DNMT1: variants seen among roughly 807,000 people sequenced by gnomAD.
The protein encoded by DNMT1 is DNA (cytosine-5)-methyltransferase 1.
Under a neutral mutation model 205.3 loss-of-function variants are expected in DNMT1, and 24 were observed. The ratio of observed to expected loss-of-function variants is 0.12; its 90% CI spans 0.08 to 0.16. The LOEUF (loss-of-function observed/expected upper bound fraction) is 0.16, where lower values mean the gene tolerates loss of function less well. DNMT1 is among the 10% of genes least tolerant of loss of function. DNMT1 has a pLI of 1.00. For synonymous variants in DNMT1, 817 were observed against 839.8 expected (o/e 0.97, Z 0.47); for missense variants, 1,293 against 2,177.7 (o/e 0.59, Z 8.09).
intron 1 of DNMT1, among the ~76,000 whole-genome samples, chr19:10,189,329 G>C (rs1169540602): frequency 6.6e-6 from 1 of 151,928 alleles, no homozygotes; most frequent in African/African-American, 2.4e-5. Flanking sequence ...CACCGTGTTA[G>C]CCAGGATGGT....
chr19:10,163,365 C>A lies in DNMT1; in HGVS notation c.892-5G>T. 1 of 1,613,646 alleles carries A rather than the reference C, an allele frequency of 6.2e-7. No individual in the cohort carries two copies. Among genetic ancestry groups the A allele is most frequent in the Non-Finnish European group, 8.5e-7 (1 of 1,179,846 alleles). On this transcript the variant is annotated splice_region_variant and splice_polypyrimidine_tract_variant and intron_variant, in intron 11 of 40. Coordinates refer to ENST00000359526, the MANE Select transcript of DNMT1 (RefSeq NM_001130823.3). Reference sequence around the variant, plus strand: ...ACTTCTGTGCTTCTTCTCATCCTGACAGAAAAATAAGGGGGAGGTAGAGAG... The same window carrying A: ...ACTTCTGTGCTTCTTCTCATCCTGAAAGAAAAATAAGGGGGAGGTAGAGAG...
Position 10,180,334 on chromosome 19 carries a change from A to C in DNMT1, c.445+16T>G. 1.2e-6 allele frequency: 2 copies of C among 1,607,726 alleles called. No individual in the cohort carries two copies. The highest frequency in any genetic ancestry group is 1.1e-5 in the South Asian group (1 of 91,068). On this transcript the variant is annotated intron_variant, in intron 4 of 40. Transcript: ENST00000359526. The stretch of plus-strand genomic sequence containing the variant: ...CTCAAAAACAATTAAAAATAAAAGG[A>C]ATCATCTGCTCTTACGCTTAGCCTC...
In DNMT1 at chr19:10,148,987, C is replaced by T; in HGVS notation, c.2617G>A (p.Gly873Arg). 6.2e-7 allele frequency: 1 copy of T among 1,614,106 alleles called. No individual in the cohort carries two copies. Among genetic ancestry groups the T allele is most frequent in the Non-Finnish European group, 8.5e-7 (1 of 1,180,022 alleles). The change falls in exon 27 of 41, where the codon GGG becomes AGG. Residue 873 changes from glycine to arginine, a missense_variant. By Grantham distance (125) the Gly-to-Arg change is moderately radical (BLOSUM62 -2). Coordinates refer to ENST00000359526, the MANE Select transcript of DNMT1 (RefSeq NM_001130823.3). ...TAGAAGTAGGTCTTCCCGTCGTCCCCCTCCAGCAGGGACTCGGGATCCATG... is the reference window on the plus strand; with the variant it reads ...TAGAAGTAGGTCTTCCCGTCGTCCCTCTCCAGCAGGGACTCGGGATCCATG... ...GGMDPESLLE[G>R]DDGKTYFYQL...
At chr19:10,164,156 G>GGAGA (rs368866318) in intron 11 of DNMT1, among the ~76,000 whole-genome samples, 2 of 151,628 alleles carry the variant, frequency 1.3e-5, no homozygotes, top group African/African-American at 4.8e-5. Context: ...ACATATATAT[G>GGAGA]GAGAGAGAGA....
intron 24 of DNMT1, among the ~76,000 whole-genome samples, chr19:10,150,581 C>G (rs1425370943): frequency 6.6e-6 from 1 of 152,232 alleles, no homozygotes; most frequent in South Asian, 2.1e-4. Context: ...AGGCAGCCAG[C>G]AGGTGGCAAG....
At chr19:10,141,746 T>C (rs550317785) in intron 30 of DNMT1, 5 of 458,864 alleles carry the variant, frequency 1.1e-5, no homozygotes, top group Non-Finnish European at 2.0e-5. Context: ...CAACGTTCAG[T>C]TGCACCAAGA....
chr19:10,166,718 T>A (rs1255082497), intron 10 of DNMT1, 33 bp from the exon 11 acceptor site: 4 of 1,613,322 alleles, frequency 2.5e-6, no homozygotes, highest in Non-Finnish European at 3.4e-6. Context: ...CACAGGCTGG[T>A]CAGCTCGGGG....
At position 10,154,606 on chromosome 19, in the gene DNMT1, A is replaced by G. The variant is rs770886671; in HGVS notation, c.1812T>C (p.Ala604=). ...CTTACCTCTGTCCCAGCGTGACCCC[A>G]GCCAGCTTGATCAGGTCCCGCATGC... ...TPCMRDLIKL[A]GVTLGQRRAQ... The change falls in exon 21 of 41, where the codon GCT becomes GCC. Residue 604 remains alanine (A), a synonymous_variant. Transcript: ENST00000359526. The surrounding 1 kb of genome is among the most constrained non-coding windows in gnomAD (Gnocchi z 6.3). 39 of 1,613,958 alleles carry G rather than the reference A, an allele frequency of 2.4e-5. No individual in the cohort carries two copies. The highest frequency in any genetic ancestry group is 3.3e-5 in the Non-Finnish European group (39 of 1,179,938).
At chr19:10,136,094 G>A (rs937974914) in intron 38 of DNMT1, 27 bp downstream of exon 38, 2 of 1,613,674 alleles carry the variant, frequency 1.2e-6, no homozygotes, top group South Asian at 1.1e-5. Context: ...CCTGACCCAG[G>A]CCCTCGGATG....
rs72620548 is a variant in DNMT1, at chr19:10,136,593, G to A, written c.4490-306C>T. Among the ~76,000 whole-genome samples, 19,717 of 151,750 alleles carry A rather than the reference G, an allele frequency of 0.13. 1,846 individuals are homozygous for A. The highest frequency in any genetic ancestry group is 0.39 in the East Asian group (2,023 of 5,142). On this transcript the variant is annotated intron_variant, in intron 37 of 40. Coordinates refer to ENST00000359526, the MANE Select transcript of DNMT1 (RefSeq NM_001130823.3). The stretch of plus-strand genomic sequence containing the variant: ...TGGGATTATAGGCGTGCGACACCAC[G>A]CCCGGCTAATTTTTGTAGTTTTAAT...
chr19:10,178,194 T>C (rs1293852776), intron 5 of DNMT1, among the ~76,000 whole-genome samples: 7 of 148,404 alleles, frequency 4.7e-5, no homozygotes, highest in Non-Finnish European at 8.9e-5. Context: ...GAGGTGGAGG[T>C]TGTGGTGAGC....
chr19:10,155,807 G>T, intron 19 of DNMT1, 46 bp downstream of exon 19: 1 of 1,579,626 alleles, frequency 6.3e-7, no homozygotes, highest in Non-Finnish European at 8.6e-7. Flanking sequence ...AGAACATGAA[G>T]GCCCCTTTCA....
At chr19:10,182,453 GTA>G (rs541115556) in intron 1 of DNMT1, among the ~76,000 whole-genome samples, 22 of 119,850 alleles carry the variant, frequency 1.8e-4, no homozygotes, top group African/African-American at 4.4e-4. Context: ...ATATATATGT[GTA>G]TATATATGTG....
rs1028532442 is a variant in DNMT1, at chr19:10,138,857, G to A, written c.3949-252C>T. ...GGGAGCAAACCCTGCGGGGAAGTCC[G>A]GCCAGCTCTGAAAGCACTGCAAGGG... On this transcript the variant is annotated intron_variant, in intron 34 of 40. Coordinates refer to ENST00000359526, the MANE Select transcript of DNMT1 (RefSeq NM_001130823.3). The surrounding 1 kb of genome is among the most constrained non-coding windows in gnomAD (Gnocchi z 4.1). 3.2e-4 allele frequency among the ~76,000 whole-genome samples: 48 copies of A among 152,190 alleles called. No individual in the cohort carries two copies. The highest frequency in any genetic ancestry group is 1.1e-3 in the African/African-American group (44 of 41,448).
chr19:10,145,334 G>A (rs567874362), intron 28 of DNMT1, among the ~76,000 whole-genome samples: 1 of 152,342 alleles, frequency 6.6e-6, no homozygotes, highest in East Asian at 1.9e-4. Context: ...AGGACAACCA[G>A]AGGGGGTAAC....
intron 1 of DNMT1, among the ~76,000 whole-genome samples, chr19:10,183,125 A>ATATATACGTGTGTATATATATATATT (rs767124770): frequency 1.7e-5 from 2 of 117,480 alleles, no homozygotes; most frequent in South Asian, 2.9e-4. Context: ...ATATATATAT[A>ATATATACGTGTGTATATATATATATT]TTTTTTTTTT....
In DNMT1 at chr19:10,156,038, G is replaced by T; in HGVS notation, c.1400-93C>A. 1.5e-6 allele frequency: 2 copies of T among 1,321,958 alleles called. No individual in the cohort carries two copies. The highest frequency in any genetic ancestry group is 1.5e-5 in the African/African-American group (1 of 68,766). The allele number at this position is 1,321,958 out of a possible 1,614,324, so 81.9% of individuals were successfully genotyped here. A position where few individuals can be genotyped will look rare whatever the true frequency, so the allele number is the denominator to read the frequency against. ...CGCCCACTCAGCAGACATCCCATCA[G>T]CCAGGTCGGGTGCTCCTCAGTCATC... On this transcript the variant is annotated intron_variant, in intron 18 of 40. Transcript: ENST00000359526. This position sits in a 1 kb window ranked among gnomAD's most constrained non-coding sequence, Gnocchi z 4.2.
chr19:10,182,417 G>A (rs887309664), intron 1 of DNMT1, among the ~76,000 whole-genome samples: 3 of 52,934 alleles, frequency 5.7e-5, no homozygotes, highest in East Asian at 1.3e-3. Flanking sequence ...ATATATATGT[G>A]TATATATATG....
rs1232131952 is a variant in DNMT1 at position 10,149,864 on chromosome 19, C to G, written c.2370G>C (p.Leu790=). 3 of 1,614,214 alleles carry G rather than the reference C, an allele frequency of 1.9e-6. No individual in the cohort carries two copies. The highest frequency in any genetic ancestry group is 2.2e-5 in the East Asian group (1 of 44,894). ...AGAAAGATGCAAACCTTGCTAGATA[C>G]AGCGGTTTTGAGGAATCATCTGGAA... ...SVIPDDSSKP[L]YLARVTALWE... The change falls in exon 25 of 41, where the codon CTG becomes CTC. Residue 790 remains leucine (L), a synonymous_variant. Coordinates refer to ENST00000359526, the MANE Select transcript of DNMT1 (RefSeq NM_001130823.3).
Sources: gnomAD v4.1 joint callset for allele counts (sites outside exome capture counted in the v4.1 genomes callset) on GRCh38, gnomAD v4.1.1 for gene constraint, Gnocchi (gnomAD v3.1) non-coding constraint, MANE v1.5 for transcripts, NCBI Gene and HGNC (gene_info 2026-07-23, HGNC 2026-07-21) for gene names.